The following FBXL17 variants were observed in gnomAD, a reference collection of about 807,000 sequenced individuals.
The protein encoded by FBXL17 is F-box/LRR-repeat protein 17.
A neutral mutation model predicts 66.2 loss-of-function variants in FBXL17; 22 were observed. The observed-to-expected ratio is 0.33, with a 90% CI of 0.24 to 0.47. The LOEUF (loss-of-function observed/expected upper bound fraction) is 0.47, where lower values mean the gene tolerates loss of function less well. FBXL17 is among the 20% of genes least tolerant of loss of function. FBXL17 has a pLI of 1.00. For synonymous variants in FBXL17, 474 were observed against 400.5 expected, an observed-to-expected ratio of 1.18 and a Z score of -2.19; for missense variants, 878 against 948.2, an observed-to-expected ratio of 0.93 and a Z score of 0.97.
At position 107,868,340 on chromosome 5, in the gene FBXL17, C is replaced by T. The variant is rs377005704; in HGVS notation, c.1966-6480G>A. 3.9e-5 allele frequency among the ~76,000 whole-genome samples: 6 copies of T among 152,224 alleles called. No individual in the cohort carries two copies. The East Asian group carries it at 9.6e-4, about 24-fold the overall frequency. On this transcript the variant is annotated intron_variant, in intron 8 of 8. Coordinates refer to ENST00000542267, the MANE Select transcript of FBXL17 (RefSeq NM_001163315.3). ...AGAGATTGCAGTTTGCATATAAATA[C>T]ATTTCAAAGTCCTTGATAATGTTTT...
chr5:107,890,350 C>T (rs55703669), intron 7 of FBXL17, among the ~76,000 whole-genome samples: 1 of 150,222 alleles, frequency 6.7e-6, no homozygotes, highest in Non-Finnish European at 1.5e-5. Flanking sequence ...TTAAGCTGGT[C>T]TCAGATTAAA....
At chr5:108,015,443 C>G (rs999125767) in intron 7 of FBXL17, among the ~76,000 whole-genome samples, 7 of 151,952 alleles carry the variant, frequency 4.6e-5, no homozygotes, top group Non-Finnish European at 2.9e-5. Flanking sequence ...GGAATCTTAC[C>G]TAGCAATCTT....
chr5:108,080,791 A>G (rs1296922042), intron 6 of FBXL17, among the ~76,000 whole-genome samples: 1 of 152,024 alleles, frequency 6.6e-6, no homozygotes, highest in Non-Finnish European at 1.5e-5. Flanking sequence ...ATCAGTAGAA[A>G]AGAGTATCTG....
intron 4 of FBXL17, among the ~76,000 whole-genome samples, chr5:108,324,493 G>A (rs1759760281): frequency 6.6e-6 from 1 of 152,020 alleles, no homozygotes; most frequent in Admixed American, 6.6e-5. Context: ...TGGGTGAAAT[G>A]TAAAATGGTG....
rs895800693 is a variant in FBXL17, at chr5:108,381,008, GCCA to G, written c.681_683del (p.Gly231del). 4.0e-5 allele frequency: 48 copies of G among 1,187,416 alleles called. No individual in the cohort carries two copies. In the African/African-American group the frequency reaches 6.4e-4, roughly 16 times the overall value. The allele number at this position is 1,187,416 out of a possible 1,614,324, so 73.6% of individuals were successfully genotyped here. On this transcript the variant is annotated inframe_deletion, in exon 1 of 9. Coordinates refer to ENST00000542267, the MANE Select transcript of FBXL17 (RefSeq NM_001163315.3). ...CGCCTCCCCCCGCAGGCCCTCCCCCGCCACCGCCGCCGCCGCCGCCGCCGCAGC... is the reference window on the plus strand; with the variant it reads ...CGCCTCCCCCCGCAGGCCCTCCCCCGCCGCCGCCGCCGCCGCCGCCGCAGC...
chr5:108,075,747 G>C (rs1430493173), intron 6 of FBXL17, among the ~76,000 whole-genome samples: 2 of 152,174 alleles, frequency 1.3e-5, no homozygotes, highest in Non-Finnish European at 2.9e-5. Context: ...AAAGTGCTGG[G>C]ATTACAGGCT....
chr5:107,970,979 G>A (rs1752350260), intron 7 of FBXL17, among the ~76,000 whole-genome samples: 2 of 152,164 alleles, frequency 1.3e-5, no homozygotes, highest in African/African-American at 4.8e-5. Flanking sequence ...GACACAGTAT[G>A]CTAGAAATTT....
chr5:108,348,792 C>T (rs1747451939), intron 3 of FBXL17, among the ~76,000 whole-genome samples: 1 of 152,112 alleles, frequency 6.6e-6, no homozygotes, highest in South Asian at 2.1e-4. Context: ...TTCAAAATTA[C>T]ATATCTATTA....
Position 108,028,477 on chromosome 5 carries a change from A to C in FBXL17, c.1746-7476T>G, listed in dbSNP as rs573770840. On this transcript the variant is annotated intron_variant, in intron 6 of 8. Transcript: ENST00000542267. ...GCTAAGACTAAATTATTTTAGTGGA[A>C]TATAAAAGCACTCAGAAGATGAGAT... Among the ~76,000 whole-genome samples, 241 of 152,288 alleles carry C rather than the reference A, an allele frequency of 1.6e-3. 1 individual carries two copies. The highest frequency in any genetic ancestry group is 5.6e-3 in the African/African-American group (233 of 41,570).
intron 7 of FBXL17, among the ~76,000 whole-genome samples, chr5:107,995,938 A>G (rs1020867214): frequency 6.6e-6 from 1 of 152,228 alleles, no homozygotes; most frequent in Non-Finnish European, 1.5e-5. Flanking sequence ...GATGAAACAC[A>G]GTGCAGTAGC....
intron 7 of FBXL17, among the ~76,000 whole-genome samples, chr5:107,892,892 T>C (rs142929522): frequency 6.6e-6 from 1 of 152,326 alleles, no homozygotes; most frequent in Admixed American, 6.5e-5. Context: ...ACATTTCCAG[T>C]TTTGATAGTT....
chr5:108,211,982 G>C (rs971931836), intron 5 of FBXL17, among the ~76,000 whole-genome samples: 1 of 152,034 alleles, frequency 6.6e-6, no homozygotes, highest in African/African-American at 2.4e-5. Context: ...CATAGATTTG[G>C]TCTTTTCACA....
intron 4 of FBXL17, among the ~76,000 whole-genome samples, chr5:108,234,079 T>A (rs1339130687): frequency 6.6e-6 from 1 of 152,012 alleles, no homozygotes; most frequent in African/African-American, 2.4e-5. Context: ...CATATATAAC[T>A]AAGAAACTCT....
intron 6 of FBXL17, among the ~76,000 whole-genome samples, chr5:108,158,509 CTG>C (rs3984948): frequency 0.037 from 5,492 of 149,216 alleles, 135 homozygotes; most frequent in Non-Finnish European, 0.053. Flanking sequence ...GTGTGTGTGT[CTG>C]TGTGTGTGTG....
intron 6 of FBXL17, among the ~76,000 whole-genome samples, chr5:108,115,276 T>C (rs1049771524): frequency 5.3e-5 from 8 of 152,132 alleles, no homozygotes; most frequent in African/African-American, 1.9e-4. Context: ...ATGGGCTTTA[T>C]TCACTGTTTT....
chr5:107,964,687 A>T (rs1323913288), intron 7 of FBXL17, among the ~76,000 whole-genome samples: 1 of 152,168 alleles, frequency 6.6e-6, no homozygotes, highest in Non-Finnish European at 1.5e-5. Context: ...GAGACCCCAA[A>T]GACCTCAATT....
At chr5:108,125,036 A>G (rs1750644013) in intron 6 of FBXL17, among the ~76,000 whole-genome samples, 1 of 152,046 alleles carries the variant, frequency 6.6e-6, no homozygotes, top group Admixed American at 6.6e-5. Flanking sequence ...TTCAAGGAAA[A>G]GGGCTACAGT....
intron 7 of FBXL17, among the ~76,000 whole-genome samples, chr5:107,915,748 C>T (rs564040200): frequency 7.9e-4 from 121 of 152,286 alleles, no homozygotes; most frequent in Non-Finnish European, 1.4e-3. Flanking sequence ...CGTCTGCTGC[C>T]TTGTTCAACT....
intron 7 of FBXL17, among the ~76,000 whole-genome samples, chr5:107,956,994 C>T (rs1751687902): frequency 6.6e-6 from 1 of 152,118 alleles, no homozygotes; most frequent in Non-Finnish European, 1.5e-5. Context: ...GAATTAGCAT[C>T]GATTTCACAT....
Sources: gnomAD v4.1 joint callset for allele counts (sites outside exome capture counted in the v4.1 genomes callset) on GRCh38, gnomAD v4.1.1 for gene constraint, MANE v1.5 for transcripts, NCBI Gene and HGNC (gene_info 2026-07-23, HGNC 2026-07-21) for gene names.